SNTB1: variants seen among roughly 807,000 people sequenced by gnomAD.
SNTB1 encodes the protein beta-1-syntrophin.
Under a neutral mutation model 48.9 loss-of-function variants are expected in SNTB1, and 36 were observed. That is an observed-to-expected ratio of 0.74 (90% CI 0.56 to 0.97). The LOEUF is 0.97. Among genes scored for constraint, SNTB1 ranks in the 50% least tolerant of loss-of-function variants. SNTB1 has a pLI of 0.00. For missense variants in SNTB1, 786 were observed against 703.4 expected (o/e 1.12, Z -1.33); for synonymous variants, 299 against 294.6 (o/e 1.01, Z -0.15).
At position 120,724,431 on chromosome 8, in the gene SNTB1, G is replaced by T. The variant is rs10105535; in HGVS notation, c.572-30523C>A. Among the ~76,000 whole-genome samples the T allele has an allele frequency of 7.0e-3, 1,059 of 152,318 alleles. 11 individuals are homozygous for T. Among genetic ancestry groups the T allele is most frequent in the African/African-American group, 0.024 (996 of 41,590 alleles). The stretch of plus-strand genomic sequence containing the variant: ...TAAAGTTGTCTCCACGCATGCACAA[G>T]TTGAGCTCCTCAGCCCACACCACAT... On this transcript the variant is annotated intron_variant, in intron 1 of 6. Transcript: ENST00000517992.
At chr8:120,653,190 G>A (rs749317830) in intron 2 of SNTB1, among the ~76,000 whole-genome samples, 14 of 152,174 alleles carry the variant, frequency 9.2e-5, no homozygotes, top group Non-Finnish European at 1.6e-4. Flanking sequence ...TAGGATCTTT[G>A]CAGATGTAAT....
intron 1 of SNTB1, among the ~76,000 whole-genome samples, chr8:120,777,862 G>A (rs1168215805): frequency 2.0e-5 from 3 of 152,196 alleles, no homozygotes; most frequent in African/African-American, 7.2e-5. Context: ...ATGAGGGCAA[G>A]AGTATCCCCC....
intron 1 of SNTB1, among the ~76,000 whole-genome samples, chr8:120,699,409 C>T (rs1232794603): frequency 6.6e-6 from 1 of 152,162 alleles, no homozygotes; most frequent in Non-Finnish European, 1.5e-5. Context: ...AGTGAGTTCT[C>T]ACCCAGTTGG....
chr8:120,545,476 A>G (rs2130647819), intron 5 of SNTB1, among the ~76,000 whole-genome samples: 1 of 152,256 alleles, frequency 6.6e-6, no homozygotes, highest in South Asian at 2.1e-4. Context: ...CTCAGGCCCC[A>G]CCCTAGAACT....
intron 2 of SNTB1, among the ~76,000 whole-genome samples, chr8:120,677,374 TTAATCTAA>T (rs1181199706): frequency 1.3e-5 from 2 of 152,218 alleles, no homozygotes; most frequent in African/African-American, 4.8e-5. Flanking sequence ...TCTGGAGAAA[TTAATCTAA>T]GGATGCTATT....
chr8:120,798,363 T>C (rs542650666), intron 1 of SNTB1, among the ~76,000 whole-genome samples: 12 of 152,134 alleles, frequency 7.9e-5, no homozygotes, highest in African/African-American at 2.6e-4. Context: ...GGGGACTTTT[T>C]GCCCTCCAGA....
intron 1 of SNTB1, among the ~76,000 whole-genome samples, chr8:120,697,945 G>A (rs138798238): frequency 1.1e-3 from 162 of 152,286 alleles, no homozygotes; most frequent in Admixed American, 1.6e-3. Flanking sequence ...TTTACAGAAT[G>A]TAGCACAAAT....
intron 2 of SNTB1, among the ~76,000 whole-genome samples, chr8:120,686,249 C>A (rs1818030755): frequency 6.6e-6 from 1 of 152,136 alleles, no homozygotes; most frequent in East Asian, 1.9e-4. Context: ...TAGCAACACC[C>A]CAATTCTGTA....
At chr8:120,676,302 A>G (rs373730518) in intron 2 of SNTB1, among the ~76,000 whole-genome samples, 51 of 152,354 alleles carry the variant, frequency 3.3e-4, no homozygotes, top group African/African-American at 1.1e-3. Flanking sequence ...TTCCCTGGTA[A>G]AACTCATCTT....
intron 1 of SNTB1, among the ~76,000 whole-genome samples, chr8:120,788,632 G>A (rs1023684738): frequency 5.3e-5 from 8 of 151,664 alleles, no homozygotes; most frequent in Admixed American, 3.9e-4. Flanking sequence ...AACAGCACAA[G>A]GAAAAGACAA....
At position 120,602,981 on chromosome 8, in the gene SNTB1, C is replaced by T. The variant is rs183642554; in HGVS notation, c.997-27756G>A. Among the ~76,000 whole-genome samples, 391 of 151,988 alleles carry T rather than the reference C, an allele frequency of 2.6e-3. 1 individual carries two copies. The highest frequency in any genetic ancestry group is 3.9e-3 in the Non-Finnish European group (268 of 67,962). Reference sequence around the variant, plus strand: ...TTGCTATCATGTAATTTATATACCACCATATTATCTCATTTAAAATGTACA... The same window carrying T: ...TTGCTATCATGTAATTTATATACCATCATATTATCTCATTTAAAATGTACA... On this transcript the variant is annotated intron_variant, in intron 3 of 6. Transcript: ENST00000517992.
At position 120,577,494 on chromosome 8, in the gene SNTB1, G is replaced by A. The variant is rs73319209; in HGVS notation, c.997-2269C>T. On this transcript the variant is annotated intron_variant, in intron 3 of 6. Transcript: ENST00000517992. ...GGTCTCAAGGCATAAAGTGTTTGGG[G>A]TAGGGGGAAGGGGGTTCAGAATAAA... Among the ~76,000 whole-genome samples, 207 of 152,280 alleles carry A rather than the reference G, an allele frequency of 1.4e-3. 1 individual carries two copies. Among genetic ancestry groups the A allele is most frequent in the African/African-American group, 4.6e-3 (190 of 41,544 alleles).
intron 1 of SNTB1, among the ~76,000 whole-genome samples, chr8:120,756,483 G>T (rs982709386): frequency 1.3e-5 from 2 of 152,112 alleles, no homozygotes; most frequent in Admixed American, 6.6e-5. Flanking sequence ...TTGGGAGGGG[G>T]AATTAACCTG....
chr8:120,585,610 T>C (rs1816126626), intron 3 of SNTB1, among the ~76,000 whole-genome samples: 1 of 152,248 alleles, frequency 6.6e-6, no homozygotes, highest in African/African-American at 2.4e-5. Context: ...TGGTCCCTTA[T>C]GTTTACTCTT....
rs141554243 is a variant in SNTB1, at chr8:120,749,459, G to C, written c.572-55551C>G. On this transcript the variant is annotated intron_variant, in intron 1 of 6. Coordinates refer to ENST00000517992, the MANE Select transcript of SNTB1 (RefSeq NM_021021.4). ...TACTTAAATATATTGATTTTTCCAT[G>C]TCTAGAAGTTGGATCAATATACTCT... 8.3e-3 allele frequency among the ~76,000 whole-genome samples: 1,265 copies of C among 152,176 alleles called. 9 individuals are homozygous for C. Among genetic ancestry groups the C allele is most frequent in the Non-Finnish European group, 0.013 (884 of 68,012 alleles).
intron 3 of SNTB1, among the ~76,000 whole-genome samples, chr8:120,595,913 A>G (rs997576554): frequency 6.6e-5 from 10 of 152,102 alleles, no homozygotes; most frequent in African/African-American, 2.2e-4. Flanking sequence ...ACCCTGAATT[A>G]TTTCTTGCAT....
At chr8:120,626,421 T>C (rs1816883622) in intron 3 of SNTB1, among the ~76,000 whole-genome samples, 1 of 152,184 alleles carries the variant, frequency 6.6e-6, no homozygotes, top group Admixed American at 6.5e-5. Context: ...GATCATTACA[T>C]GACCTTTAAA....
At chr8:120,548,646 C>A in intron 5 of SNTB1, 116 bp downstream of exon 5, 1 of 857,684 alleles carries the variant, frequency 1.2e-6, no homozygotes, top group Non-Finnish European at 1.8e-6. Context: ...AAATTTGCTT[C>A]TGGAATTTTA....
chr8:120,758,587 T>C (rs1391204489), intron 1 of SNTB1, among the ~76,000 whole-genome samples: 1 of 152,200 alleles, frequency 6.6e-6, no homozygotes, highest in Non-Finnish European at 1.5e-5. Context: ...GGACAAGATC[T>C]GCTGGGTGGA....
Sources: allele counts gnomAD v4.1 joint callset (sites outside exome capture counted in the v4.1 genomes callset), GRCh38; gene constraint gnomAD v4.1.1; transcripts MANE v1.5; gene names NCBI Gene and HGNC (gene_info 2026-07-23, HGNC 2026-07-21).